The following KIF16B variants were observed in gnomAD, a reference collection of about 807,000 sequenced individuals.
KIF16B encodes kinesin family member 16B.
KIF16B carries 98 observed loss-of-function variants against 156.3 expected under a neutral mutation model. The ratio of observed to expected loss-of-function variants is 0.63; its 90% confidence interval spans 0.53 to 0.74. The LOEUF is 0.74. Among genes scored for constraint, KIF16B ranks in the 30% least tolerant of loss-of-function variants. The probability of loss-of-function intolerance (pLI) is 0.00; values close to 1 mark genes in which losing one functional copy is unlikely to be tolerated. For missense variants in KIF16B, 1,421 were observed against 1,606.5 expected (o/e 0.88, Z 1.97); for synonymous variants, 564 against 583.7 (o/e 0.97, Z 0.49).
intron 6 of KIF16B, among the ~76,000 whole-genome samples, chr20:16,510,103 G>C (rs940770520): frequency 6.6e-6 from 1 of 152,050 alleles, no homozygotes; most frequent in African/African-American, 2.4e-5. Flanking sequence ...ATAGCACATT[G>C]ATTATAAACT....
intron 25 of KIF16B, among the ~76,000 whole-genome samples, chr20:16,275,932 G>A (rs1438644991): frequency 6.6e-6 from 1 of 152,208 alleles, no homozygotes; most frequent in East Asian, 1.9e-4. Flanking sequence ...TGATTGTTCT[G>A]GGAAGATCAA....
chr20:16,314,457 G>A (rs927596667), intron 24 of KIF16B, among the ~76,000 whole-genome samples: 4 of 152,160 alleles, frequency 2.6e-5, no homozygotes, highest in African/African-American at 9.7e-5. Flanking sequence ...CAAGGGATGG[G>A]TTTCCCCATC....
At chr20:16,445,074 C>T (rs1453937906) in intron 12 of KIF16B, among the ~76,000 whole-genome samples, 9 of 152,098 alleles carry the variant, frequency 5.9e-5, no homozygotes, top group African/African-American at 1.9e-4. Context: ...TGGTGGCATG[C>T]ACCTATAGTC....
In KIF16B at chr20:16,544,854, G is replaced by GATGAATGA. The variant is rs145984561; in HGVS notation, c.48-16422_48-16415dup. Among the ~76,000 whole-genome samples the GATGAATGA allele has an allele frequency of 3.3e-4, 50 of 151,982 alleles. No individual in the cohort carries two copies. The East Asian group carries it at 3.3e-3, about 10-fold the overall frequency. On this transcript the variant is annotated intron_variant, in intron 1 of 25. Transcript: ENST00000354981. ...CTGTCCTCATATACAGCAAACACTT[G>GATGAATGA]ATGAATGAATGAATGAATGAATGAA...
intron 24 of KIF16B, among the ~76,000 whole-genome samples, chr20:16,316,470 C>A (rs1459214095): frequency 6.6e-6 from 1 of 152,130 alleles, no homozygotes; most frequent in African/African-American, 2.4e-5. Context: ...ATTAGAGTCA[C>A]ATTCCTAAGT....
At position 16,374,555 on chromosome 20, in the gene KIF16B, A is replaced by G. The variant is rs181519515; in HGVS notation, c.3198-146T>C. On this transcript the variant is annotated intron_variant, in intron 19 of 25. Coordinates refer to ENST00000354981, the MANE Select transcript of KIF16B (RefSeq NM_024704.5). ...TTTACCTTCTAGTAGAAAAGGTGCCACATACCCATAAGACAAGACATAAAG... is the reference window on the plus strand; with the variant it reads ...TTTACCTTCTAGTAGAAAAGGTGCCGCATACCCATAAGACAAGACATAAAG... The G allele has an allele frequency of 7.2e-6, 5 of 693,092 alleles. No individual in the cohort carries two copies. The African/African-American group carries it at 9.1e-5, about 13-fold the overall frequency. 42.9% of individuals were successfully genotyped at this position (693,092 alleles called of 1,614,324 possible).
chr20:16,332,692 T>A (rs549487499), intron 24 of KIF16B, among the ~76,000 whole-genome samples: 4 of 152,142 alleles, frequency 2.6e-5, no homozygotes, highest in Non-Finnish European at 5.9e-5. Context: ...ATAGAAATGG[T>A]CTGAAGACTG....
intron 1 of KIF16B, among the ~76,000 whole-genome samples, chr20:16,566,507 T>TA (rs1222057352): frequency 6.6e-6 from 1 of 152,250 alleles, no homozygotes; most frequent in Non-Finnish European, 1.5e-5. Flanking sequence ...TAGCTCACAA[T>TA]GCCTAATAAT....
chr20:16,515,245 A>C (rs374586641), intron 4 of KIF16B, among the ~76,000 whole-genome samples: 129 of 152,302 alleles, frequency 8.5e-4, no homozygotes, highest in African/African-American at 3.0e-3. Context: ...TTGTGTTGGC[A>C]GAAAAGAAGA....
At chr20:16,299,289 G>A (rs193213250) in intron 25 of KIF16B, among the ~76,000 whole-genome samples, 30 of 152,172 alleles carry the variant, frequency 2.0e-4, no homozygotes, top group African/African-American at 7.2e-4. Flanking sequence ...ATGTTGAAGT[G>A]GGGTGATGGA....
intron 20 of KIF16B, among the ~76,000 whole-genome samples, chr20:16,373,328 C>T (rs773169433): frequency 9.9e-5 from 15 of 152,212 alleles, no homozygotes; most frequent in Non-Finnish European, 1.9e-4. Context: ...ATTCTGAGTA[C>T]ATTTTGATAT....
Position 16,335,912 on chromosome 20 carries a change from A to C in KIF16B, c.3711+14T>G. On this transcript the variant is annotated intron_variant, in intron 24 of 25. Coordinates refer to ENST00000354981, the MANE Select transcript of KIF16B (RefSeq NM_024704.5). ...TGAATGCTCTTAATCGGAGATAATA[A>C]TTTCATAACTTACCTCTGCATACTT... The C allele has an allele frequency of 6.7e-7, 1 of 1,489,984 alleles. No individual in the cohort carries two copies. Among genetic ancestry groups the C allele is most frequent in the East Asian group, 2.3e-5 (1 of 43,880 alleles). 92.3% of individuals were successfully genotyped at this position (1,489,984 alleles called of 1,614,324 possible). A position where few individuals can be genotyped will look rare whatever the true frequency, so the allele number is the denominator to read the frequency against.
At chr20:16,373,677 C>T (rs1568902122) in intron 20 of KIF16B, among the ~76,000 whole-genome samples, 1 of 152,184 alleles carries the variant, frequency 6.6e-6, no homozygotes, top group East Asian at 1.9e-4. Flanking sequence ...TCTAGGTCTT[C>T]GTTTTTGTCA....
intron 15 of KIF16B, among the ~76,000 whole-genome samples, chr20:16,418,856 T>C (rs1390867847): frequency 6.6e-6 from 1 of 152,006 alleles, no homozygotes; most frequent in African/African-American, 2.4e-5. Context: ...CTGTTCCCTT[T>C]CCCCCTCCCT....
At chr20:16,406,068 G>C (rs2065775301) in intron 16 of KIF16B, among the ~76,000 whole-genome samples, 2 of 152,160 alleles carry the variant, frequency 1.3e-5, no homozygotes, top group South Asian at 4.1e-4. Flanking sequence ...CTGATTAGAG[G>C]AAGTCACTCT....
intron 17 of KIF16B, among the ~76,000 whole-genome samples, chr20:16,385,993 G>T (rs1161380276): frequency 6.6e-6 from 1 of 152,146 alleles, no homozygotes; most frequent in Non-Finnish European, 1.5e-5. Context: ...TACACTTATA[G>T]AATCCAATGT....
chr20:16,406,327 C>T, intron 16 of KIF16B, 47 bp downstream of exon 16: 2 of 1,510,512 alleles, frequency 1.3e-6, no homozygotes, highest in African/African-American at 1.4e-5. Context: ...CCCACTCATC[C>T]TCACATACGA....
At chr20:16,332,726 G>A (rs141513134) in intron 24 of KIF16B, among the ~76,000 whole-genome samples, 2 of 152,158 alleles carry the variant, frequency 1.3e-5, no homozygotes, top group East Asian at 3.9e-4. Flanking sequence ...AATTGAAGCA[G>A]AAATAAAAGC....
Position 16,520,272 on chromosome 20 carries a change from C to T in KIF16B, c.232-4608G>A, listed in dbSNP as rs2069296227. ...CCCACAGAGCACAGAAAGCTAAGAT[C>T]CACTGGCTTGAAATTCTCGCTGCCA... On this transcript the variant is annotated intron_variant, in intron 3 of 25. Transcript: ENST00000354981. Among the ~76,000 whole-genome samples, 8 of 152,264 alleles carry T rather than the reference C, an allele frequency of 5.3e-5. No individual in the cohort carries two copies. In the South Asian group the frequency reaches 1.7e-3, roughly 32 times the overall value.
Sources: allele counts gnomAD v4.1 joint callset (sites outside exome capture counted in the v4.1 genomes callset), GRCh38; gene constraint gnomAD v4.1.1; transcripts MANE v1.5; gene names NCBI Gene and HGNC (gene_info 2026-07-23, HGNC 2026-07-21).